The following TMPRSS13 variants were observed in gnomAD, a reference collection of about 807,000 sequenced individuals.
The protein encoded by TMPRSS13 is transmembrane protease serine 13.
Under a neutral mutation model 68.4 loss-of-function variants are expected in TMPRSS13, and 50 were observed. That is an observed-to-expected ratio of 0.73 (90% CI 0.58 to 0.93). The LOEUF is 0.93. Among genes scored for constraint, TMPRSS13 ranks in the 40% least tolerant of loss-of-function variants. TMPRSS13 has a pLI of 0.00. For missense variants in TMPRSS13, 615 were observed against 729.2 expected (o/e 0.84, Z 1.80); for synonymous variants, 267 against 285.8 (o/e 0.93, Z 0.66).
At position 117,901,952 on chromosome 11, in the gene TMPRSS13, G is replaced by T. The variant is rs899939051; in HGVS notation, c.*287C>A. 7 of 512,700 alleles carry T rather than the reference G, an allele frequency of 1.4e-5. No homozygotes were observed. Among genetic ancestry groups the T allele is most frequent in the African/African-American group, 1.2e-4 (6 of 50,992 alleles). The allele number at this position is 512,700 out of a possible 1,614,324, so 31.8% of individuals were successfully genotyped here. ...CCTCCATCCATCTATGGACACTCCT[G>T]TAGGAACATCCACGGTACTCAACTC... On this transcript the variant is annotated 3_prime_UTR_variant, in exon 13 of 13. Transcript: ENST00000524993.
rs1815928983 is a variant in TMPRSS13, at chr11:117,914,534, C to G, written c.557-20G>C. 3 of 1,613,310 alleles carry G rather than the reference C, an allele frequency of 1.9e-6. No individual in the cohort carries two copies. The highest frequency in any genetic ancestry group is 1.3e-5 in the African/African-American group (1 of 74,996). On this transcript the variant is annotated intron_variant, in intron 3 of 12. Coordinates refer to ENST00000524993, the MANE Select transcript of TMPRSS13 (RefSeq NM_001077263.3). The surrounding 1 kb of genome is among the most constrained non-coding windows in gnomAD (Gnocchi z 4.2). ...ACTGGACTAGAGAAAAAGAAGCAGA[C>G]AGCTGGGTCATGGCCAGCCCCACTG...
At position 117,918,479 on chromosome 11, in the gene TMPRSS13, C is replaced by T; in HGVS notation, c.381G>A (p.Val127=). Residue 127 remains valine (V), a synonymous_variant, in exon 2 of 13, where the codon GTG becomes GTA. Coordinates refer to ENST00000524993, the MANE Select transcript of TMPRSS13 (RefSeq NM_001077263.3). Reference sequence around the variant, plus strand: ...GAGATGATCGGATGGGTACAGCCCCCACTGGTGTTGCTCTAACAAGGTACA... The same window carrying T: ...GAGATGATCGGATGGGTACAGCCCCTACTGGTGTTGCTCTAACAAGGTACA... ...TRVYLVRATP[V]GAVPIRSSPA... 6.2e-7 allele frequency: 1 copy of T among 1,614,220 alleles called. No individual in the cohort carries two copies. Among genetic ancestry groups the T allele is most frequent in the East Asian group, 2.2e-5 (1 of 44,890 alleles).
intron 7 of TMPRSS13, 31 bp from the exon 8 acceptor site, chr11:117,909,999 C>G (rs528190291): frequency 9.4e-6 from 15 of 1,602,348 alleles, no homozygotes; most frequent in East Asian, 6.7e-5. Flanking sequence ...TACTGTGAAC[C>G]CTGTTTCTCC....
At position 117,914,405 on chromosome 11, in the gene TMPRSS13, G is replaced by A. The variant is rs373083265; in HGVS notation, c.666C>T (p.Asp222=). The change falls in exon 4 of 13, where the codon GAC becomes GAT. Residue 222 remains aspartate, a synonymous_variant. Transcript: ENST00000524993. This position sits in a 1 kb window ranked among gnomAD's most constrained non-coding sequence, Gnocchi z 4.2. ...CAGCCTCCTTACCGCAGCCCAGCTC[G>A]TCACTCTTCAGCTTGCAGTCCACCA... The part of the protein sequence containing the change: ...DGVVDCKLKS[D]ELGCVRFDWD... The A allele has an allele frequency of 6.6e-5, 106 of 1,613,630 alleles. 2 individuals carry two copies. The South Asian group carries it at 1.0e-3, about 15-fold the overall frequency.
chr11:117,911,675 A>C (rs2134892119), intron 6 of TMPRSS13, 93 bp downstream of exon 6: 2 of 972,778 alleles, frequency 2.1e-6, no homozygotes, highest in East Asian at 5.0e-5. Flanking sequence ...GGATACTAGA[A>C]AAGCCAGTGA....
At chr11:117,917,363 G>C in intron 2 of TMPRSS13, 89 bp from the exon 3 acceptor site, 1 of 1,037,716 alleles carries the variant, frequency 9.6e-7, no homozygotes, top group Non-Finnish European at 1.4e-6. Flanking sequence ...TGTGGCCCAG[G>C]AGGGCCCCGT....
intron 1 of TMPRSS13, among the ~76,000 whole-genome samples, chr11:117,926,547 G>A (rs1397658821): frequency 1.3e-5 from 2 of 152,210 alleles, no homozygotes; most frequent in African/African-American, 4.8e-5. Context: ...ACTCCACAAA[G>A]GAATGTTGCT....
At chr11:117,904,249 AG>A in intron 10 of TMPRSS13, 148 bp from the exon 11 acceptor site, 1 of 1,112,432 alleles carries the variant, frequency 9.0e-7, no homozygotes, top group Non-Finnish European at 1.3e-6. Flanking sequence ...CTCCCACCCA[AG>A]GGAGGCCCTC....
At chr11:117,921,632 T>C (rs2057649711) in intron 1 of TMPRSS13, among the ~76,000 whole-genome samples, 1 of 151,878 alleles carries the variant, frequency 6.6e-6, no homozygotes, top group Non-Finnish European at 1.5e-5. Context: ...GGGGCATTGG[T>C]GGAAAGCCAA....
chr11:117,925,137 C>G (rs76835919), intron 1 of TMPRSS13, among the ~76,000 whole-genome samples: 10,405 of 152,294 alleles, frequency 0.068, 454 homozygotes, highest in East Asian at 0.19. Context: ...AGGTGCCTTG[C>G]AGACCAGCTG....
At chr11:117,911,403 G>A (rs767220563) in intron 6 of TMPRSS13, among the ~76,000 whole-genome samples, 1 of 152,144 alleles carries the variant, frequency 6.6e-6, no homozygotes, top group Non-Finnish European at 1.5e-5. Flanking sequence ...AAAGTGTCAT[G>A]CCAGGGTGTC....
In TMPRSS13 at chr11:117,902,040, A is replaced by G; in HGVS notation, c.*199T>C. On this transcript the variant is annotated 3_prime_UTR_variant, in exon 13 of 13. Coordinates refer to ENST00000524993, the MANE Select transcript of TMPRSS13 (RefSeq NM_001077263.3). ...GAGTTGACAGCTCTGCTGGTTTCTG[A>G]AAAACTTGGGAGAGTGGCAATGCAC... 3.1e-6 allele frequency: 2 copies of G among 635,946 alleles called. No homozygotes were observed. The highest frequency in any genetic ancestry group is 5.2e-5 in the Admixed American group (2 of 38,170). 39.4% of individuals were successfully genotyped at this position (635,946 alleles called of 1,614,324 possible). A position where few individuals can be genotyped will look rare whatever the true frequency, so the allele number is the denominator to read the frequency against.
chr11:117,918,207 C>A (rs1318730090), intron 2 of TMPRSS13, among the ~76,000 whole-genome samples: 3 of 152,130 alleles, frequency 2.0e-5, no homozygotes, highest in Admixed American at 6.5e-5. Context: ...ACCCCCTTTG[C>A]CCCTCATTTT....
At chr11:117,905,190 C>T (rs964830390) in intron 10 of TMPRSS13, among the ~76,000 whole-genome samples, 3 of 151,654 alleles carry the variant, frequency 2.0e-5, no homozygotes, top group East Asian at 1.9e-4. Flanking sequence ...CTACGGTGCC[C>T]GGCCTCTAGA....
intron 1 of TMPRSS13, among the ~76,000 whole-genome samples, chr11:117,923,838 T>TA (rs1555057480): frequency 1.1e-3 from 135 of 128,144 alleles, no homozygotes; most frequent in African/African-American, 3.0e-3. Flanking sequence ...GTATAATAAT[T>TA]AAAAAAAAAA....
rs2057548891 is a variant in TMPRSS13, at chr11:117,914,076, T to G, written c.680-170A>C. ...CTGGGTCATGGGGGTTAACCAGTAC[T>G]CAGAAGCCCAGGATGCCTAGCATGG... On this transcript the variant is annotated intron_variant, in intron 4 of 12. Transcript: ENST00000524993. The surrounding 1 kb of genome is among the most constrained non-coding windows in gnomAD (Gnocchi z 4.2). 6.6e-6 allele frequency among the ~76,000 whole-genome samples: 1 copy of G among 152,050 alleles called. No homozygotes were observed. Among genetic ancestry groups the G allele is most frequent in the Non-Finnish European group, 1.5e-5 (1 of 68,006 alleles).
In TMPRSS13 at chr11:117,914,370, C is replaced by A. The variant is rs953241553; in HGVS notation, c.679+22G>T. On this transcript the variant is annotated intron_variant, in intron 4 of 12. Coordinates refer to ENST00000524993, the MANE Select transcript of TMPRSS13 (RefSeq NM_001077263.3). This position sits in a 1 kb window ranked among gnomAD's most constrained non-coding sequence, Gnocchi z 4.2. The stretch of plus-strand genomic sequence containing the variant: ...ACATGCACATGCACACGCACGCGCT[C>A]CCCCGCACCCAGCCTCCTTACCGCA... The A allele has an allele frequency of 2.5e-6, 4 of 1,612,374 alleles. No individual in the cohort carries two copies. The East Asian group carries it at 6.7e-5, about 27-fold the overall frequency.
chr11:117,906,893 G>A (rs2057469382), intron 9 of TMPRSS13, among the ~76,000 whole-genome samples: 1 of 152,088 alleles, frequency 6.6e-6, no homozygotes, highest in African/African-American at 2.4e-5. Context: ...ATGAGTTTAA[G>A]AAAATCAGTC....
chr11:117,921,958 A>G (rs2057653077), intron 1 of TMPRSS13, among the ~76,000 whole-genome samples: 1 of 152,134 alleles, frequency 6.6e-6, no homozygotes, highest in African/African-American at 2.4e-5. Context: ...CCCTCAACCC[A>G]AACCCTCCCA....
Sources: gnomAD v4.1 joint callset for allele counts (sites outside exome capture counted in the v4.1 genomes callset) on GRCh38, gnomAD v4.1.1 for gene constraint, Gnocchi (gnomAD v3.1) non-coding constraint, MANE v1.5 for transcripts, NCBI Gene and HGNC (gene_info 2026-07-23, HGNC 2026-07-21) for gene names.